DYNC2H1: variants seen among roughly 807,000 people sequenced by gnomAD.
The protein encoded by DYNC2H1 is cytoplasmic dynein 2 heavy chain 1.
Under a neutral mutation model 570.0 loss-of-function variants are expected in DYNC2H1, and 410 were observed. The ratio of observed to expected loss-of-function variants is 0.72; its 90% confidence interval spans 0.66 to 0.78. The LOEUF (loss-of-function observed/expected upper bound fraction) is 0.78. DYNC2H1 is among the 30% of genes least tolerant of loss of function. DYNC2H1 has a pLI of 0.00. For missense variants in DYNC2H1, 4,865 were observed against 5,046.4 expected (o/e 0.96, Z 1.09); for synonymous variants, 1,688 against 1,677.6 (o/e 1.01, Z -0.15).
At chr11:103,423,086 T>TA (rs2135720199) in intron 84 of DYNC2H1, among the ~76,000 whole-genome samples, 2 of 152,188 alleles carry the variant, frequency 1.3e-5, no homozygotes, top group South Asian at 2.1e-4. Flanking sequence ...TGGAAGGTCT[T>TA]ACACTTTGTG....
intron 55 of DYNC2H1, among the ~76,000 whole-genome samples, chr11:103,219,088 T>C (rs1189307030): frequency 1.3e-5 from 2 of 152,198 alleles, no homozygotes; most frequent in Non-Finnish European, 2.9e-5. Context: ...ATTATGATTG[T>C]TTAAGAAATT....
intron 83 of DYNC2H1, among the ~76,000 whole-genome samples, chr11:103,398,491 G>A (rs1193522827): frequency 3.9e-5 from 6 of 152,120 alleles, no homozygotes; most frequent in Admixed American, 3.9e-4. Context: ...AGTAACCATG[G>A]TAGGTTAAAT....
intron 84 of DYNC2H1, among the ~76,000 whole-genome samples, chr11:103,429,836 CCTTTT>C (rs1400455394): frequency 2.0e-5 from 3 of 152,142 alleles, no homozygotes; most frequent in East Asian, 1.9e-4. Context: ...CATTTCTTCT[CCTTTT>C]CTTAAAATTG....
Position 103,113,690 on chromosome 11 carries a change from G to C in DYNC2H1, c.349G>C (p.Ala117Pro). 1 of 1,530,098 alleles carries C rather than the reference G, an allele frequency of 6.5e-7. No individual in the cohort carries two copies. The highest frequency in any genetic ancestry group is 8.7e-7 in the Non-Finnish European group (1 of 1,148,358). 94.8% of individuals were successfully genotyped at this position (1,530,098 alleles called of 1,614,324 possible). ...SLYQAVRQVF[A>P]PMLLKDQEWS... ...TTACCAAGCAGTACGGCAAGTATTCGCACCAATGTTGTTAAAGGTGAGAAA... is the reference window on the plus strand; with the variant it reads ...TTACCAAGCAGTACGGCAAGTATTCCCACCAATGTTGTTAAAGGTGAGAAA... The change falls in exon 2 of 89, where the codon GCA becomes CCA. Residue 117 changes from alanine (A) to proline (P), a missense_variant. This residue lies in a region of DYNC2H1 where 1,936 missense variants were observed against 1,962.1 expected (regional missense o/e 0.99). Transcript: ENST00000375735.
In DYNC2H1 at chr11:103,239,637, A is replaced by G. The variant is rs1032875652; in HGVS notation, c.9819+3098A>G. Among the ~76,000 whole-genome samples, 2 of 145,292 alleles carry G rather than the reference A, an allele frequency of 1.4e-5. No homozygotes were observed. The highest frequency in any genetic ancestry group is 4.5e-4 in the South Asian group (2 of 4,488). On this transcript the variant is annotated intron_variant, in intron 63 of 88. Coordinates refer to ENST00000375735, the MANE Select transcript of DYNC2H1 (RefSeq NM_001377.3). The surrounding 1 kb of genome is among the most constrained non-coding windows in gnomAD (Gnocchi z 4.3). ...CCTAGCTCCTGTCTATACACTTCTC[A>G]TAGGAGTGTGTGTGTGTGTGTGTGT...
chr11:103,306,268 G>A (rs1200610041), intron 77 of DYNC2H1, among the ~76,000 whole-genome samples: 1 of 152,166 alleles, frequency 6.6e-6, no homozygotes, highest in Non-Finnish European at 1.5e-5. Flanking sequence ...TACTTGTACT[G>A]CTTTCTGTGT....
rs1003242616 is a variant in DYNC2H1, at chr11:103,256,446, C to G, written c.10461+206C>G. Among the ~76,000 whole-genome samples the G allele has an allele frequency of 1.4e-4, 22 of 152,134 alleles. No individual in the cohort carries two copies. The highest frequency in any genetic ancestry group is 6.5e-5 in the Admixed American group (1 of 15,272). On this transcript the variant is annotated intron_variant, in intron 68 of 88. Coordinates refer to ENST00000375735, the MANE Select transcript of DYNC2H1 (RefSeq NM_001377.3). This position sits in a 1 kb window ranked among gnomAD's most constrained non-coding sequence, Gnocchi z 4.0. ...CACACTGAGGATAAGGAGTGTTTGTCAGTATACCCTGCTGCCTTCTACTGA... is the reference window on the plus strand; with the variant it reads ...CACACTGAGGATAAGGAGTGTTTGTGAGTATACCCTGCTGCCTTCTACTGA...
At chr11:103,294,187 T>C (rs1187653703) in intron 75 of DYNC2H1, among the ~76,000 whole-genome samples, 1 of 152,250 alleles carries the variant, frequency 6.6e-6, no homozygotes, top group Non-Finnish European at 1.5e-5. Flanking sequence ...TACATATCTC[T>C]GTTACTTCAA....
At position 103,134,010 on chromosome 11, in the gene DYNC2H1, C is replaced by T. The variant is rs115057739; in HGVS notation, c.2106+303C>T. Among the ~76,000 whole-genome samples, 253 of 152,128 alleles carry T rather than the reference C, an allele frequency of 1.7e-3. 1 individual carries two copies. The highest frequency in any genetic ancestry group is 5.7e-3 in the African/African-American group (236 of 41,512). On this transcript the variant is annotated intron_variant, in intron 14 of 88. Coordinates refer to ENST00000375735, the MANE Select transcript of DYNC2H1 (RefSeq NM_001377.3). ...CCCTTAGTTGTTGAGTCTCTTTAGC[C>T]TCCCCTCCTCAGTCTTTTCCTTGTT...
intron 88 of DYNC2H1, 52 bp from the exon 89 acceptor site, chr11:103,479,043 T>C: frequency 6.3e-7 from 1 of 1,581,836 alleles, no homozygotes. Context: ...TCTAATAATC[T>C]GTTTCCAAAT....
At chr11:103,408,642 A>T (rs916574585) in intron 84 of DYNC2H1, among the ~76,000 whole-genome samples, 2 of 152,090 alleles carry the variant, frequency 1.3e-5, no homozygotes, top group Non-Finnish European at 2.9e-5. Flanking sequence ...TGAACAAATG[A>T]ACCCTTAATA....
chr11:103,154,955 C>G, intron 24 of DYNC2H1, 146 bp downstream of exon 24: 1 of 663,686 alleles, frequency 1.5e-6, no homozygotes, highest in Non-Finnish European at 2.3e-6. Flanking sequence ...CAGAGTAAAC[C>G]ATAGAAATTA....
chr11:103,386,106 T>A (rs1016297632), intron 83 of DYNC2H1, among the ~76,000 whole-genome samples: 3 of 152,242 alleles, frequency 2.0e-5, no homozygotes, highest in Admixed American at 6.5e-5. Flanking sequence ...GAACTCGTAG[T>A]TACATTTGTT....
chr11:103,352,157 T>G (rs2135511911), intron 82 of DYNC2H1, among the ~76,000 whole-genome samples: 1 of 152,188 alleles, frequency 6.6e-6, no homozygotes, highest in Middle Eastern at 3.4e-3. Flanking sequence ...TACCATTTAA[T>G]CTGGTAAGAA....
intron 6 of DYNC2H1, 88 bp downstream of exon 6, chr11:103,117,951 T>A: frequency 9.4e-7 from 1 of 1,064,820 alleles, no homozygotes; most frequent in Non-Finnish European, 1.3e-6. Context: ...CAATAAGCAC[T>A]ATACATCTGC....
Position 103,181,677 on chromosome 11 carries a change from T to C in DYNC2H1, c.6348-80T>C. On this transcript the variant is annotated intron_variant, in intron 39 of 88. Transcript: ENST00000375735. The surrounding 1 kb of genome is among the most constrained non-coding windows in gnomAD (Gnocchi z 5.0). ...GACAAAATATGTGCGTAGAATAATG[T>C]TTATTGGAGAAGAAATTTATTTTAA... 1 of 1,416,466 alleles carries C rather than the reference T, an allele frequency of 7.1e-7. No individual in the cohort carries two copies. Among genetic ancestry groups the C allele is most frequent in the Non-Finnish European group, 9.5e-7 (1 of 1,050,456 alleles). 87.7% of individuals were successfully genotyped at this position (1,416,466 alleles called of 1,614,324 possible).
intron 83 of DYNC2H1, among the ~76,000 whole-genome samples, chr11:103,386,469 A>ACACACACAC (rs1176701852): frequency 1.5e-5 from 2 of 131,470 alleles, no homozygotes; most frequent in African/African-American, 3.0e-5. Context: ...CACACACACA[A>ACACACACAC]AAGTATTTTG....
Position 103,129,144 on chromosome 11 carries a change from G to T in DYNC2H1, c.1953+139G>T. On this transcript the variant is annotated intron_variant, in intron 13 of 88. Coordinates refer to ENST00000375735, the MANE Select transcript of DYNC2H1 (RefSeq NM_001377.3). The surrounding 1 kb of genome is among the most constrained non-coding windows in gnomAD (Gnocchi z 4.1). ...CTTCCAGGGACTTCCTTCAATCTTA[G>T]CAAGTAAAATTATTTTTTCTAACTG... 1.6e-6 allele frequency: 1 copy of T among 632,682 alleles called. No homozygotes were observed. Among genetic ancestry groups the T allele is most frequent in the African/African-American group, 1.9e-5 (1 of 52,706 alleles). 39.2% of individuals were successfully genotyped at this position (632,682 alleles called of 1,614,324 possible).
At chr11:103,113,032 C>G (rs1478311474) in intron 1 of DYNC2H1, among the ~76,000 whole-genome samples, 1 of 152,178 alleles carries the variant, frequency 6.6e-6, no homozygotes, top group African/African-American at 2.4e-5. Flanking sequence ...AGATAGACAA[C>G]TTAAGTTCAT....
Sources: gnomAD v4.1 joint callset for allele counts (sites outside exome capture counted in the v4.1 genomes callset) on GRCh38, gnomAD v4.1.1 for gene constraint, gnomAD v4.1.1 regional missense constraint, Gnocchi (gnomAD v3.1) non-coding constraint, MANE v1.5 for transcripts, NCBI Gene and HGNC (gene_info 2026-07-23, HGNC 2026-07-21) for gene names.